NINJ2: variants seen among roughly 807,000 people sequenced by gnomAD.
NINJ2 encodes the protein ninjurin 2, also known as ninjurin-2.
NINJ2 carries 12 observed loss-of-function variants against 11.7 expected under a neutral mutation model. The observed-to-expected ratio is 1.02, with a 90% CI of 0.66 to 1.66. The LOEUF is 1.66. NINJ2 is among the 40% of genes most tolerant of loss of function. The pLI, the probability that NINJ2 is intolerant of heterozygous loss-of-function variation, is 0.00. For missense variants in NINJ2, 187 were observed against 181.8 expected (o/e 1.03, Z -0.16); for synonymous variants, 93 against 76.8 (o/e 1.21, Z -1.10).
At chr12:638,551 G>C (rs1948380316) in intron 1 of NINJ2, among the ~76,000 whole-genome samples, 1 of 152,216 alleles carries the variant, frequency 6.6e-6, no homozygotes, top group Non-Finnish European at 1.5e-5. Flanking sequence ...AAATGGCTGG[G>C]ACTACAGGCG....
In NINJ2 at chr12:640,234, T is replaced by C. The variant is rs1015869884; in HGVS notation, c.33+23094A>G. ...TGAGATGGAAGAACTGGGCATCACT[T>C]AATGAAAATATCTTGGCATCTTAGA... On this transcript the variant is annotated intron_variant, in intron 1 of 3. Transcript: ENST00000305108. The surrounding 1 kb of genome is among the most constrained non-coding windows in gnomAD (Gnocchi z 4.0). 6.6e-6 allele frequency among the ~76,000 whole-genome samples: 1 copy of C among 152,238 alleles called. No homozygotes were observed.
At chr12:612,388 T>C (rs1235072312) in intron 1 of NINJ2, among the ~76,000 whole-genome samples, 1 of 152,154 alleles carries the variant, frequency 6.6e-6, no homozygotes, top group Non-Finnish European at 1.5e-5. Context: ...CCTGGTGACA[T>C]TATATCCGGT....
intron 1 of NINJ2, among the ~76,000 whole-genome samples, chr12:609,180 G>A (rs1218738143): frequency 1.6e-5 from 2 of 128,182 alleles, no homozygotes; most frequent in Non-Finnish European, 3.2e-5. Flanking sequence ...GGCGCCACGC[G>A]CTAGGTGCTG....
At chr12:617,995 G>A (rs984782836) in intron 1 of NINJ2, among the ~76,000 whole-genome samples, 3 of 151,912 alleles carry the variant, frequency 2.0e-5, no homozygotes, top group African/African-American at 7.3e-5. Context: ...ACGTACTCTG[G>A]TGGTCTGAAA....
chr12:622,781 C>T (rs1948169154), intron 1 of NINJ2, among the ~76,000 whole-genome samples: 1 of 149,058 alleles, frequency 6.7e-6, no homozygotes, highest in Non-Finnish European at 1.5e-5. Flanking sequence ...GATAGCTTTT[C>T]TTTTTTTTTT....
chr12:614,832 G>A lies in NINJ2; in HGVS notation c.33+48496C>T, dbSNP rs1387391766. Among the ~76,000 whole-genome samples the A allele has an allele frequency of 2.6e-5, 4 of 152,114 alleles. No individual in the cohort carries two copies. The highest frequency in any genetic ancestry group is 2.1e-4 in the South Asian group (1 of 4,830). On this transcript the variant is annotated intron_variant, in intron 1 of 3. Coordinates refer to ENST00000305108, the MANE Select transcript of NINJ2 (RefSeq NM_016533.6). The surrounding 1 kb of genome is among the most constrained non-coding windows in gnomAD (Gnocchi z 5.1). ...TAGGGGCAAGACCATGTCTTCACAC[G>A]TCGGGCAGCGTGCATTGTCAGCGCT...
At chr12:652,483 C>G (rs1224195172) in intron 1 of NINJ2, among the ~76,000 whole-genome samples, 1 of 152,118 alleles carries the variant, frequency 6.6e-6, no homozygotes, top group Non-Finnish European at 1.5e-5. Context: ...GTAATCCCAG[C>G]TCTTGGGGAG....
intron 1 of NINJ2, among the ~76,000 whole-genome samples, chr12:662,344 C>T (rs1173291809): frequency 6.6e-6 from 1 of 151,880 alleles, no homozygotes; most frequent in South Asian, 2.1e-4. Context: ...GTCTCAAGGG[C>T]GGAGGGGCCA....
chr12:608,818 T>G (rs942208526), intron 1 of NINJ2, among the ~76,000 whole-genome samples: 1 of 152,252 alleles, frequency 6.6e-6, no homozygotes, highest in Non-Finnish European at 1.5e-5. Context: ...ACACTGATGC[T>G]GACTGAATGC....
At chr12:598,012 G>A (rs1440192827) in intron 1 of NINJ2, among the ~76,000 whole-genome samples, 1 of 152,212 alleles carries the variant, frequency 6.6e-6, no homozygotes, top group Non-Finnish European at 1.5e-5. Context: ...TATGTAGGTA[G>A]GAGGTCCCCT....
intron 1 of NINJ2, among the ~76,000 whole-genome samples, chr12:639,651 CTA>C (rs1268719142): frequency 2.0e-5 from 3 of 152,152 alleles, no homozygotes; most frequent in South Asian, 2.1e-4. Context: ...CTTCTGGAAA[CTA>C]TGTGTGGGCT....
chr12:597,033 T>C (rs531994556), intron 1 of NINJ2, among the ~76,000 whole-genome samples: 3 of 152,288 alleles, frequency 2.0e-5, no homozygotes, highest in African/African-American at 4.8e-5. Context: ...AGTCACGTCA[T>C]AACTATTACA....
chr12:570,723 G>T (rs1056214412), intron 1 of NINJ2, among the ~76,000 whole-genome samples: 1 of 152,074 alleles, frequency 6.6e-6, no homozygotes, highest in African/African-American at 2.4e-5. Flanking sequence ...GAGCTGGTCC[G>T]GGTGGGCTGG....
In NINJ2 at chr12:595,783, G is replaced by A. The variant is rs796499798; in HGVS notation, c.34-29605C>T. ...GGAAAAAAAAAACACTTTTGATAAA[G>A]GACAGTTATTTAAAATATGTAAATT... On this transcript the variant is annotated intron_variant, in intron 1 of 3. Coordinates refer to ENST00000305108, the MANE Select transcript of NINJ2 (RefSeq NM_016533.6). Among the ~76,000 whole-genome samples, 4 of 151,986 alleles carry A rather than the reference G, an allele frequency of 2.6e-5. No individual in the cohort carries two copies. In the South Asian group the frequency reaches 6.2e-4, roughly 24 times the overall value.
At position 614,884 on chromosome 12, in the gene NINJ2, A is replaced by G. The variant is rs1035283303; in HGVS notation, c.33+48444T>C. 2.0e-5 allele frequency among the ~76,000 whole-genome samples: 3 copies of G among 152,174 alleles called. No individual in the cohort carries two copies. The highest frequency in any genetic ancestry group is 4.4e-5 in the Non-Finnish European group (3 of 68,028). On this transcript the variant is annotated intron_variant, in intron 1 of 3. Coordinates refer to ENST00000305108, the MANE Select transcript of NINJ2 (RefSeq NM_016533.6). The surrounding 1 kb of genome is among the most constrained non-coding windows in gnomAD (Gnocchi z 5.1). ...TATGAAAAACAAATAGCAGTTATGC[A>G]AAGACAAGGAAGCTGCTGGCTCATG...
At chr12:646,779 C>T (rs556391241) in intron 1 of NINJ2, among the ~76,000 whole-genome samples, 14 of 152,252 alleles carry the variant, frequency 9.2e-5, no homozygotes, top group African/African-American at 3.1e-4. Flanking sequence ...ACTCCACACC[C>T]GAGGCACAAG....
intron 1 of NINJ2, among the ~76,000 whole-genome samples, chr12:593,308 G>C (rs997229003): frequency 6.6e-6 from 1 of 152,178 alleles, no homozygotes; most frequent in African/African-American, 2.4e-5. Context: ...TTACTACTCA[G>C]TCAACTTTGA....
chr12:660,473 T>G (rs1937943639), intron 1 of NINJ2, among the ~76,000 whole-genome samples: 1 of 151,500 alleles, frequency 6.6e-6, no homozygotes, highest in South Asian at 2.1e-4. Flanking sequence ...CCTGAGTAGC[T>G]GGGACTACAG....
intron 1 of NINJ2, among the ~76,000 whole-genome samples, chr12:577,416 C>CATATATATATATACATATATATGT (rs1947475160): frequency 8.2e-6 from 1 of 121,256 alleles, no homozygotes; most frequent in East Asian, 2.4e-4. Flanking sequence ...ACACTAGTCT[C>CATATATATATATACATATATATGT]ATATATATAT....
Sources: allele counts gnomAD v4.1 joint callset (sites outside exome capture counted in the v4.1 genomes callset), GRCh38; gene constraint gnomAD v4.1.1; non-coding constraint Gnocchi (gnomAD v3.1); transcripts MANE v1.5; gene names NCBI Gene and HGNC (gene_info 2026-07-23, HGNC 2026-07-21).